Variants in NKAIN3 observed in about 807,000 individuals in gnomAD.
The protein encoded by NKAIN3 is sodium/potassium transporting ATPase interacting 3, also known as sodium/potassium-transporting ATPase subunit beta-1-interacting protein 3.
A neutral mutation model predicts 30.2 loss-of-function variants in NKAIN3; 25 were observed. The ratio of observed to expected loss-of-function variants is 0.83; its 90% CI spans 0.60 to 1.16. The LOEUF (loss-of-function observed/expected upper bound fraction) is 1.16. NKAIN3 is among the 50% of genes most tolerant of loss of function. The probability of loss-of-function intolerance (pLI) is 0.00; values close to 1 mark genes in which losing one functional copy is unlikely to be tolerated. For synonymous variants in NKAIN3, 91 were observed against 89.6 expected, an observed-to-expected ratio of 1.02 and a Z score of -0.09; for missense variants, 225 against 254.1, an observed-to-expected ratio of 0.89 and a Z score of 0.78.
At chr8:62,478,768 G>T (rs779055141) in intron 1 of NKAIN3, among the ~76,000 whole-genome samples, 4 of 152,142 alleles carry the variant, frequency 2.6e-5, no homozygotes, top group Non-Finnish European at 4.4e-5. Context: ...ATGGAGTCAG[G>T]GTTAGGGGGT....
intron 4 of NKAIN3, among the ~76,000 whole-genome samples, chr8:62,792,039 A>G (rs990134346): frequency 1.3e-5 from 2 of 152,114 alleles, no homozygotes; most frequent in Non-Finnish European, 2.9e-5. Flanking sequence ...CTACCTCTTT[A>G]GTTAAATTCA....
rs1336857330 is a variant in NKAIN3 at position 62,826,988 on chromosome 8, G to T, written c.471+79859G>T. On this transcript the variant is annotated intron_variant, in intron 4 of 6. Transcript: ENST00000623646. The stretch of plus-strand genomic sequence containing the variant: ...AAGGAAATTACTCAGTTATTTGGCA[G>T]GCTTTAGCCAAACTAAGCTGGTATA... Among the ~76,000 whole-genome samples, 3 of 152,254 alleles carry T rather than the reference G, an allele frequency of 2.0e-5. No individual in the cohort carries two copies. In the East Asian group the frequency reaches 5.8e-4, roughly 29 times the overall value.
intron 5 of NKAIN3, among the ~76,000 whole-genome samples, chr8:62,940,438 C>T (rs1822920588): frequency 6.6e-6 from 1 of 152,086 alleles, no homozygotes; most frequent in African/African-American, 2.4e-5. Flanking sequence ...ATTTACTAAA[C>T]ATTCTAAGTA....
chr8:62,548,327 C>T (rs1809081294), intron 1 of NKAIN3, among the ~76,000 whole-genome samples: 1 of 152,106 alleles, frequency 6.6e-6, no homozygotes, highest in Non-Finnish European at 1.5e-5. Flanking sequence ...ATACTTGGAG[C>T]ATGTGTTAAG....
intron 4 of NKAIN3, among the ~76,000 whole-genome samples, chr8:62,797,216 A>AT (rs1446624297): frequency 2.0e-5 from 3 of 152,292 alleles, no homozygotes; most frequent in East Asian, 1.9e-4. Flanking sequence ...TAGTAAATGG[A>AT]TTTTTTCCAG....
intron 1 of NKAIN3, among the ~76,000 whole-genome samples, chr8:62,429,679 G>T (rs1044619478): frequency 1.3e-5 from 2 of 151,738 alleles, no homozygotes; most frequent in African/African-American, 4.8e-5. Context: ...TCTACTTTCT[G>T]CCACTTTTGT....
intron 3 of NKAIN3, among the ~76,000 whole-genome samples, chr8:62,641,032 G>A (rs149512877): frequency 6.6e-6 from 1 of 150,716 alleles, no homozygotes; most frequent in Non-Finnish European, 1.5e-5. Context: ...TTAGTCCCTT[G>A]CTTCTCAAAG....
chr8:62,249,602 T>G (rs1257668779), intron 1 of NKAIN3, among the ~76,000 whole-genome samples: 3 of 152,276 alleles, frequency 2.0e-5, no homozygotes, highest in South Asian at 4.1e-4. Context: ...CTCAACTCTG[T>G]TAGTGAAGAG....
intron 3 of NKAIN3, among the ~76,000 whole-genome samples, chr8:62,647,894 C>T (rs1812513314): frequency 6.6e-6 from 1 of 152,006 alleles, no homozygotes. Context: ...TGGAGGAATG[C>T]AGGTGAGGTA....
intron 1 of NKAIN3, among the ~76,000 whole-genome samples, chr8:62,477,891 C>T (rs960244262): frequency 6.6e-6 from 1 of 152,148 alleles, no homozygotes; most frequent in Non-Finnish European, 1.5e-5. Flanking sequence ...ATTTCCAGAG[C>T]CAGCCTTGAA....
chr8:62,674,912 C>T (rs977383103), intron 3 of NKAIN3, among the ~76,000 whole-genome samples: 6 of 152,190 alleles, frequency 3.9e-5, no homozygotes, highest in Admixed American at 3.3e-4. Flanking sequence ...GGGGACAGGT[C>T]TGGCATCCAG....
intron 1 of NKAIN3, among the ~76,000 whole-genome samples, chr8:62,453,216 A>C (rs1343993753): frequency 6.6e-6 from 1 of 152,154 alleles, no homozygotes; most frequent in Non-Finnish European, 1.5e-5. Flanking sequence ...TTGAGGTACC[A>C]TATGCTAAAA....
At chr8:62,582,766 T>A (rs553480600) in intron 2 of NKAIN3, among the ~76,000 whole-genome samples, 1 of 152,142 alleles carries the variant, frequency 6.6e-6, no homozygotes, top group Non-Finnish European at 1.5e-5. Context: ...ACTAACCATG[T>A]AAGGAGTGAG....
intron 5 of NKAIN3, among the ~76,000 whole-genome samples, chr8:62,924,716 A>G (rs1028511459): frequency 2.6e-5 from 4 of 152,214 alleles, no homozygotes; most frequent in Non-Finnish European, 5.9e-5. Flanking sequence ...CTATATCAGA[A>G]TACCATAGAC....
intron 5 of NKAIN3, among the ~76,000 whole-genome samples, chr8:62,938,129 A>G (rs1822845024): frequency 1.3e-5 from 2 of 152,022 alleles, no homozygotes; most frequent in African/African-American, 4.8e-5. Context: ...CCTGGTAGCC[A>G]AAGACAAAAG....
intron 6 of NKAIN3, among the ~76,000 whole-genome samples, chr8:62,962,723 A>G (rs1167263860): frequency 6.6e-6 from 1 of 152,214 alleles, no homozygotes; most frequent in Non-Finnish European, 1.5e-5. Context: ...GCATGGAGAT[A>G]TGAATGAAAG....
chr8:62,259,202 C>T (rs2129388957), intron 1 of NKAIN3, among the ~76,000 whole-genome samples: 1 of 152,206 alleles, frequency 6.6e-6, no homozygotes. Flanking sequence ...TTTTGGACAA[C>T]AATGAGAAGT....
intron 4 of NKAIN3, among the ~76,000 whole-genome samples, chr8:62,809,983 CTCATT>C (rs1363226574): frequency 1.3e-5 from 2 of 152,084 alleles, no homozygotes; most frequent in Non-Finnish European, 2.9e-5. Flanking sequence ...ACTGGTCACT[CTCATT>C]TAAGAATCGC....
intron 4 of NKAIN3, among the ~76,000 whole-genome samples, chr8:62,852,046 C>G (rs767466376): frequency 1.3e-4 from 20 of 152,012 alleles, no homozygotes; most frequent in African/African-American, 3.6e-4. Context: ...GCTCCTCCTT[C>G]TACCTCTGGT....
Sources: allele counts gnomAD v4.1 joint callset (sites outside exome capture counted in the v4.1 genomes callset), GRCh38; gene constraint gnomAD v4.1.1; transcripts MANE v1.5; gene names NCBI Gene and HGNC (gene_info 2026-07-23, HGNC 2026-07-21).